Variants in PLCL2 observed in about 807,000 individuals in gnomAD.
The protein encoded by PLCL2 is phospholipase C like 2.
Under a neutral mutation model 79.6 loss-of-function variants are expected in PLCL2, and 4 were observed. That is an observed-to-expected ratio of 0.05 (90% CI 0.02 to 0.11). The LOEUF is 0.11. Among genes scored for constraint, PLCL2 ranks in the 10% least tolerant of loss-of-function variants. The probability of loss-of-function intolerance (pLI) is 1.00; values close to 1 mark genes in which losing one functional copy is unlikely to be tolerated. For missense variants in PLCL2, 895 were observed against 1,291.0 expected (o/e 0.69, Z 4.70); for synonymous variants, 484 against 457.7 (o/e 1.06, Z -0.73).
Position 16,929,115 on chromosome 3 carries a change from GGAT to G in PLCL2, c.327+43750_327+43752del, listed in dbSNP as rs1559488527. Among the ~76,000 whole-genome samples the G allele has an allele frequency of 7.8e-3, 1,181 of 151,816 alleles. 16 individuals carry two copies. The highest frequency in any genetic ancestry group is 0.027 in the African/African-American group (1,127 of 41,390). ...AGAGAAGAGTAATTCTGAGCGGTGA[GGAT>G]ACCTGCGCAGAAATGATGATGATGA... On this transcript the variant is annotated intron_variant, in intron 1 of 5. Coordinates refer to ENST00000615277, the MANE Select transcript of PLCL2 (RefSeq NM_001144382.2).
In PLCL2 at chr3:17,010,110, A is replaced by G. The variant is rs61755447; in HGVS notation, c.764A>G (p.His255Arg). Residue 255 changes from histidine (H) to arginine (R), a missense_variant, in exon 2 of 6, where the codon CAT becomes CGT. Transcript: ENST00000615277. The surrounding 1 kb of genome is among the most constrained non-coding windows in gnomAD (Gnocchi z 5.8). ...GLRYLISYGK[H>R]TLDMLESSQD... is the part of the protein sequence containing the mutation. ...CGGTACCTAATTTCTTATGGAAAACATACACTTGATATGTTAGAAAGTAGC... is the reference window on the plus strand; with the variant it reads ...CGGTACCTAATTTCTTATGGAAAACGTACACTTGATATGTTAGAAAGTAGC... 1.9e-6 allele frequency: 3 copies of G among 1,614,174 alleles called. No individual in the cohort carries two copies. The highest frequency in any genetic ancestry group is 3.3e-5 in the Admixed American group (2 of 60,028).
intron 1 of PLCL2, among the ~76,000 whole-genome samples, chr3:16,996,299 T>G (rs1173264011): frequency 1.3e-5 from 2 of 152,006 alleles, no homozygotes; most frequent in African/African-American, 4.8e-5. Context: ...GACTTAGGCC[T>G]TCCCGTAGGC....
At chr3:16,950,021 C>T (rs1313734216) in intron 1 of PLCL2, among the ~76,000 whole-genome samples, 3 of 152,096 alleles carry the variant, frequency 2.0e-5, no homozygotes, top group Non-Finnish European at 4.4e-5. Flanking sequence ...TATTCCTGTA[C>T]CAGTATCATG....
chr3:16,892,995 A>G (rs1454391995), intron 1 of PLCL2, among the ~76,000 whole-genome samples: 1 of 152,266 alleles, frequency 6.6e-6, no homozygotes, highest in Middle Eastern at 3.4e-3. Flanking sequence ...AGCCATTCTG[A>G]CTTCTTGATC....
At chr3:16,927,391 A>G (rs1370130057) in intron 1 of PLCL2, among the ~76,000 whole-genome samples, 2 of 152,254 alleles carry the variant, frequency 1.3e-5, no homozygotes, top group African/African-American at 4.8e-5. Context: ...CAAATATGAC[A>G]ATAGGCAAGA....
chr3:17,047,635 C>T (rs2064794655), intron 4 of PLCL2, among the ~76,000 whole-genome samples: 1 of 152,164 alleles, frequency 6.6e-6, no homozygotes, highest in Non-Finnish European at 1.5e-5. Context: ...TTCAGTGGAT[C>T]TTATCCATCC....
intron 1 of PLCL2, among the ~76,000 whole-genome samples, chr3:16,969,705 T>C (rs1314865768): frequency 1.3e-5 from 2 of 152,128 alleles, no homozygotes; most frequent in African/African-American, 4.8e-5. Context: ...CCTGGATTCA[T>C]TGATCCTTTG....
intron 1 of PLCL2, among the ~76,000 whole-genome samples, chr3:16,949,223 G>T (rs987750744): frequency 2.0e-5 from 3 of 152,170 alleles, no homozygotes; most frequent in Non-Finnish European, 4.4e-5. Context: ...TTGCTGGGTA[G>T]AAGGTGTGTC....
chr3:17,061,608 T>C lies in PLCL2; in HGVS notation c.3095-6348T>C, dbSNP rs144853355. On this transcript the variant is annotated intron_variant, in intron 4 of 5. Coordinates refer to ENST00000615277, the MANE Select transcript of PLCL2 (RefSeq NM_001144382.2). ...TTTTGAAATAATAATTGGAAAATTA[T>C]GTGTAATCAACACCTACACATATAA... Among the ~76,000 whole-genome samples the C allele has an allele frequency of 5.9e-3, 898 of 152,314 alleles. 10 individuals are homozygous for C. Among genetic ancestry groups the C allele is most frequent in the African/African-American group, 0.02 (850 of 41,578 alleles).
At chr3:17,074,535 C>A (rs1317996604) in intron 5 of PLCL2, among the ~76,000 whole-genome samples, 1 of 152,216 alleles carries the variant, frequency 6.6e-6, no homozygotes, top group African/African-American at 2.4e-5. Context: ...ATCAAACTGT[C>A]CTTTGAACCC....
At chr3:16,965,245 C>A (rs181224340) in intron 1 of PLCL2, among the ~76,000 whole-genome samples, 178 of 152,264 alleles carry the variant, frequency 1.2e-3, no homozygotes, top group African/African-American at 4.0e-3. Context: ...TATGGCTAGC[C>A]AGTTTTCCCA....
chr3:17,057,637 T>C (rs2064904785), intron 4 of PLCL2, among the ~76,000 whole-genome samples: 1 of 152,182 alleles, frequency 6.6e-6, no homozygotes. Context: ...GTCATCCAAA[T>C]AGAAGGGCCG....
intron 1 of PLCL2, among the ~76,000 whole-genome samples, chr3:16,931,546 G>A (rs1342507800): frequency 2.6e-5 from 4 of 152,132 alleles, no homozygotes; most frequent in Non-Finnish European, 5.9e-5. Context: ...TCTAAATGAA[G>A]TTTAACTAAC....
chr3:17,058,519 G>A (rs181952933), intron 4 of PLCL2, among the ~76,000 whole-genome samples: 2 of 152,274 alleles, frequency 1.3e-5, no homozygotes, highest in African/African-American at 4.8e-5. Context: ...GACTGGGGCA[G>A]GCCTGGTCTT....
chr3:16,901,315 A>G (rs1431164121), intron 1 of PLCL2, among the ~76,000 whole-genome samples: 1 of 152,190 alleles, frequency 6.6e-6, no homozygotes, highest in Non-Finnish European at 1.5e-5. Context: ...TACTGGAGCC[A>G]TGTGACCCAG....
chr3:16,963,264 A>G lies in PLCL2; in HGVS notation c.328-46410A>G, dbSNP rs1483772992. Among the ~76,000 whole-genome samples the G allele has an allele frequency of 2.0e-5, 3 of 152,116 alleles. No individual in the cohort carries two copies. In the East Asian group the frequency reaches 5.8e-4, roughly 29 times the overall value. On this transcript the variant is annotated intron_variant, in intron 1 of 5. Transcript: ENST00000615277. The stretch of plus-strand genomic sequence containing the variant: ...TTCAGATTAATTACATGAATTTAAA[A>G]TGGATCACACATCTACATATATATA...
intron 4 of PLCL2, among the ~76,000 whole-genome samples, chr3:17,056,580 C>A (rs938999777): frequency 3.9e-5 from 6 of 152,090 alleles, no homozygotes; most frequent in African/African-American, 1.4e-4. Flanking sequence ...CTTCAATTAA[C>A]CCATGTTCTT....
intron 5 of PLCL2, among the ~76,000 whole-genome samples, chr3:17,078,715 T>C (rs1012364017): frequency 1.1e-4 from 17 of 152,212 alleles, no homozygotes; most frequent in African/African-American, 4.1e-4. Context: ...TTTCTTCATT[T>C]TTACCTGAGG....
At chr3:17,041,027 C>T (rs1477478893) in intron 3 of PLCL2, among the ~76,000 whole-genome samples, 1 of 152,048 alleles carries the variant, frequency 6.6e-6, no homozygotes, top group Non-Finnish European at 1.5e-5. Flanking sequence ...GTCCTTGCTT[C>T]TTTGTATCTC....
Sources: allele counts gnomAD v4.1 joint callset (sites outside exome capture counted in the v4.1 genomes callset), GRCh38; gene constraint gnomAD v4.1.1; non-coding constraint Gnocchi (gnomAD v3.1); transcripts MANE v1.5; gene names NCBI Gene and HGNC (gene_info 2026-07-23, HGNC 2026-07-21).